Variants in NRXN3 observed in about 807,000 individuals in gnomAD.
NRXN3 encodes the protein neurexin 3, also known as neurexin III.
In NRXN3, 32 loss-of-function variants were observed where a neutral mutation model predicts 137.6. The ratio of observed to expected loss-of-function variants is 0.23; its 90% confidence interval spans 0.18 to 0.31. The LOEUF (loss-of-function observed/expected upper bound fraction) is 0.31. Ranked by LOEUF, NRXN3 falls within the 10% of genes least tolerant of loss-of-function variation. NRXN3 has a pLI of 1.00. For synonymous variants in NRXN3, 798 were observed against 784.5 expected (o/e 1.02, Z -0.29); for missense variants, 1,574 against 2,062.5 (o/e 0.76, Z 4.59).
At chr14:79,130,342 C>T (rs2057271293) in intron 15 of NRXN3, among the ~76,000 whole-genome samples, 1 of 152,170 alleles carries the variant, frequency 6.6e-6, no homozygotes, top group Admixed American at 6.5e-5. Context: ...ATGTTTAGCA[C>T]TTCCTTCAGG....
chr14:78,263,823 G>A (rs1419065229), intron 2 of NRXN3, among the ~76,000 whole-genome samples: 1 of 148,624 alleles, frequency 6.7e-6, no homozygotes, highest in Non-Finnish European at 1.5e-5. Context: ...CAATTTTTTA[G>A]TTAATAACAA....
intron 4 of NRXN3, among the ~76,000 whole-genome samples, chr14:78,463,023 C>A (rs11625200): frequency 0.27 from 41,200 of 151,986 alleles, 7,101 homozygotes; most frequent in Non-Finnish European, 0.37. Context: ...TTTGGAGTCT[C>A]TAATGTCTTT....
chr14:78,277,914 G>C (rs1015424923), intron 2 of NRXN3, among the ~76,000 whole-genome samples: 1 of 152,202 alleles, frequency 6.6e-6, no homozygotes, highest in African/African-American at 2.4e-5. Context: ...GTGATTTCAA[G>C]TGGCAATTTC....
At chr14:79,450,113 CCTCT>C (rs897400684) in intron 15 of NRXN3, among the ~76,000 whole-genome samples, 3 of 151,342 alleles carry the variant, frequency 2.0e-5, no homozygotes, top group Non-Finnish European at 4.4e-5. Flanking sequence ...ATACTCACTC[CCTCT>C]CTCTCTCTAA....
intron 8 of NRXN3, among the ~76,000 whole-genome samples, chr14:78,726,667 T>C (rs139600731): frequency 2.5e-4 from 38 of 151,976 alleles, no homozygotes; most frequent in African/African-American, 8.9e-4. Flanking sequence ...CACAGGCATG[T>C]ACCATCACAC....
In NRXN3 at chr14:78,347,284, A is replaced by G. The variant is rs773894825; in HGVS notation, c.757+49424A>G. Among the ~76,000 whole-genome samples, 102 of 152,226 alleles carry G rather than the reference A, an allele frequency of 6.7e-4. 1 individual carries two copies. Among genetic ancestry groups the G allele is most frequent in the Non-Finnish European group, 1.2e-3 (84 of 68,042 alleles). On this transcript the variant is annotated intron_variant, in intron 4 of 20. Coordinates refer to ENST00000335750, the MANE Select transcript of NRXN3 (RefSeq NM_001330195.2). ...GAAAAAGGAAGTGCTCAGGGAGCAT[A>G]GTGAATTTACCTGCTCGTGAGCAAT...
At chr14:78,694,212 C>T (rs1026376717) in intron 6 of NRXN3, among the ~76,000 whole-genome samples, 1 of 151,982 alleles carries the variant, frequency 6.6e-6, no homozygotes, top group Non-Finnish European at 1.5e-5. Context: ...ACTGTCTCCT[C>T]TTCTAAAAGA....
intron 16 of NRXN3, among the ~76,000 whole-genome samples, chr14:79,473,194 G>A (rs1018119261): frequency 1.3e-5 from 2 of 151,974 alleles, no homozygotes; most frequent in African/African-American, 2.4e-5. Flanking sequence ...CCCATTTCAC[G>A]GTGGCAAAGT....
At chr14:79,419,928 T>C (rs2095551639) in intron 15 of NRXN3, among the ~76,000 whole-genome samples, 1 of 152,068 alleles carries the variant, frequency 6.6e-6, no homozygotes, top group South Asian at 2.1e-4. Context: ...TCTGCCAATA[T>C]AAGAGAAGCT....
At chr14:78,355,760 CT>C (rs1231551164) in intron 4 of NRXN3, among the ~76,000 whole-genome samples, 2 of 152,206 alleles carry the variant, frequency 1.3e-5, no homozygotes, top group African/African-American at 4.8e-5. Context: ...ACCTAGAATG[CT>C]TTTCCTTTTC....
chr14:78,376,167 G>A (rs539381535), intron 4 of NRXN3, among the ~76,000 whole-genome samples: 1 of 152,052 alleles, frequency 6.6e-6, no homozygotes, highest in Non-Finnish European at 1.5e-5. Context: ...TAGCCAGGGA[G>A]GCATCATTGA....
chr14:79,792,730 G>T (rs999313146), intron 19 of NRXN3, among the ~76,000 whole-genome samples: 1 of 152,148 alleles, frequency 6.6e-6, no homozygotes, highest in Non-Finnish European at 1.5e-5. Flanking sequence ...TGGAAAGGCC[G>T]CCCACTTTTC....
At chr14:79,848,778 G>A (rs1055061695) in intron 20 of NRXN3, among the ~76,000 whole-genome samples, 1 of 152,054 alleles carries the variant, frequency 6.6e-6, no homozygotes, top group African/African-American at 2.4e-5. Flanking sequence ...TCTTCTGGGT[G>A]ATCTGATCCA....
chr14:79,238,584 G>T (rs1351136914), intron 15 of NRXN3, among the ~76,000 whole-genome samples: 1 of 151,956 alleles, frequency 6.6e-6, no homozygotes, highest in Non-Finnish European at 1.5e-5. Context: ...TTATATCATG[G>T]AATAAATGTG....
At chr14:78,859,230 TC>T (rs1258535826) in intron 10 of NRXN3, among the ~76,000 whole-genome samples, 1 of 152,116 alleles carries the variant, frequency 6.6e-6, no homozygotes. Flanking sequence ...TCCTGAGGCC[TC>T]CCCAGCCTTG....
intron 4 of NRXN3, among the ~76,000 whole-genome samples, chr14:78,584,307 G>C (rs567134307): frequency 6.6e-6 from 1 of 152,320 alleles, no homozygotes; most frequent in Non-Finnish European, 1.5e-5. Flanking sequence ...AGTATTTTCT[G>C]TCAGTGGATC....
At chr14:79,761,554 G>T (rs899561263) in intron 19 of NRXN3, among the ~76,000 whole-genome samples, 2 of 151,038 alleles carry the variant, frequency 1.3e-5, no homozygotes, top group Non-Finnish European at 2.9e-5. Flanking sequence ...TTAGCTGGGC[G>T]TGGTGGCAGG....
chr14:79,729,957 A>AGGCTT (rs1470799234), intron 19 of NRXN3, among the ~76,000 whole-genome samples: 1 of 152,132 alleles, frequency 6.6e-6, no homozygotes, highest in Admixed American at 6.6e-5. Context: ...GCAAATTATT[A>AGGCTT]GGCTTGGAGA....
intron 4 of NRXN3, among the ~76,000 whole-genome samples, chr14:78,365,800 C>G (rs142093248): frequency 5.9e-5 from 9 of 152,186 alleles, no homozygotes; most frequent in African/African-American, 2.2e-4. Context: ...ATATGCCAGG[C>G]ACTCTTCTTG....
Sources: gnomAD v4.1 joint callset for allele counts (sites outside exome capture counted in the v4.1 genomes callset) on GRCh38, gnomAD v4.1.1 for gene constraint, MANE v1.5 for transcripts, NCBI Gene and HGNC (gene_info 2026-07-23, HGNC 2026-07-21) for gene names.